The following ZNF232 variants were observed in gnomAD, a reference collection of about 807,000 sequenced individuals.
ZNF232 encodes the protein zinc finger protein 232.
In ZNF232, 25 loss-of-function variants were observed where a neutral mutation model predicts 25.2. The observed-to-expected ratio is 0.99, with a 90% CI of 0.72 to 1.39. The LOEUF is 1.39. Among genes scored for constraint, ZNF232 ranks in the 40% most tolerant of loss-of-function variants. The probability of loss-of-function intolerance (pLI) is 0.00; values close to 1 mark genes in which losing one functional copy is unlikely to be tolerated. For missense variants in ZNF232, 519 were observed against 520.9 expected (o/e 1.00, Z 0.04); for synonymous variants, 193 against 182.9 (o/e 1.06, Z -0.45).
chr17:5,117,411 G>C (rs2143683310), intron 1 of ZNF232, among the ~76,000 whole-genome samples: 1 of 151,934 alleles, frequency 6.6e-6, no homozygotes, highest in Middle Eastern at 3.4e-3. Flanking sequence ...AGCTACTCAG[G>C]AGGCTGAGGC....
At chr17:5,118,061 T>TC (rs1219568625) in intron 1 of ZNF232, 1 of 143,316 alleles carries the variant, frequency 7.0e-6, no homozygotes, top group African/African-American at 2.8e-5. Context: ...AGAGTGGGAC[T>TC]CCGTCTCAAA....
At chr17:5,109,597 G>T (rs762975955) in exon 2 of ZNF232, 6 of 1,614,204 alleles carry the variant, frequency 3.7e-6, no homozygotes, top group Non-Finnish European at 5.1e-6. Flanking sequence ...ACTCGTAGTT[G>T]GCTCAAGGCC....
exon 4 of ZNF232, chr17:5,106,127 T>G (rs927733250): frequency 7.4e-6 from 12 of 1,614,090 alleles, no homozygotes; most frequent in Non-Finnish European, 1.0e-5. Flanking sequence ...GACCGAGGTT[T>G]GAGCTCTGTT....
chr17:5,111,630 ACGCAACGCAGGTAG>A, intron 1 of ZNF232, 156 bp downstream of exon 1: 1 of 942,042 alleles, frequency 1.1e-6, no homozygotes, highest in Non-Finnish European at 1.6e-6. Flanking sequence ...ACGTGACGCG[ACGCAACGCAGGTAG>A]CGCAGCGCGG....
upstream of ZNF232, among the ~76,000 whole-genome samples, chr17:5,112,703 C>T (rs564147759): frequency 5.9e-4 from 90 of 152,028 alleles, no homozygotes; most frequent in African/African-American, 2.1e-3. Context: ...CCGCCCGTCT[C>T]GGCCTCCCAA....
chr17:5,121,630 G>A, intron 1 of ZNF232: 1 of 160,974 alleles, frequency 6.2e-6, no homozygotes. Flanking sequence ...CAGCAGCTGT[G>A]CGAGCTCTGC....
intron 1 of ZNF232, chr17:5,111,016 A>G (rs1453710466): frequency 1.3e-5 from 2 of 152,246 alleles, no homozygotes; most frequent in Non-Finnish European, 1.5e-5. Flanking sequence ...GAGGAAGTCA[A>G]TTATGAATTT....
At chr17:5,112,145 G>T, upstream of ZNF232, 1 of 452,692 alleles carries the variant, frequency 2.2e-6, no homozygotes, top group Non-Finnish European at 3.8e-6. Flanking sequence ...ATCAAGTTTG[G>T]GGGGTCTCTT....
At chr17:5,111,814 A>G (rs764369947) in exon 1 of ZNF232, 1 of 1,613,814 alleles carries the variant, frequency 6.2e-7, no homozygotes, top group East Asian at 2.2e-5. Flanking sequence ...CAGGACCAGG[A>G]GGTTCCATCG....
intron 3 of ZNF232, 124 bp downstream of exon 3, chr17:5,108,802 G>T: frequency 6.9e-7 from 1 of 1,459,068 alleles, no homozygotes; most frequent in Non-Finnish European, 9.3e-7. Flanking sequence ...GATAAGAATA[G>T]TAAGGCTGTG....
At chr17:5,117,542 A>G (rs562871573) in intron 1 of ZNF232, among the ~76,000 whole-genome samples, 19 of 152,032 alleles carry the variant, frequency 1.2e-4, no homozygotes, top group Non-Finnish European at 1.9e-4. Flanking sequence ...AGCTCAATAA[A>G]TATTTACAGC....
chr17:5,109,047 T>C (rs761967959), exon 3 of ZNF232: 1 of 1,614,050 alleles, frequency 6.2e-7, no homozygotes, highest in Non-Finnish European at 8.5e-7. Context: ...GTGCAGGGCC[T>C]GGGACCTGGA....
intron 1 of ZNF232, among the ~76,000 whole-genome samples, chr17:5,121,213 A>C (rs1045664348): frequency 2.6e-5 from 4 of 152,166 alleles, no homozygotes; most frequent in Non-Finnish European, 5.9e-5. Context: ...GAGCAGGCTG[A>C]ATTCCTCCAA....
intron 1 of ZNF232, chr17:5,120,546 C>T: frequency 2.8e-6 from 1 of 351,422 alleles, no homozygotes; most frequent in Non-Finnish European, 5.5e-6. Context: ...CTGCACCTGT[C>T]TCTCCGAGGG....
intron 1 of ZNF232, among the ~76,000 whole-genome samples, chr17:5,120,112 A>C (rs1204671670): frequency 6.6e-6 from 1 of 151,786 alleles, no homozygotes; most frequent in Non-Finnish European, 1.5e-5. Flanking sequence ...GGGGAAGCCT[A>C]CTCCCCAAGA....
chr17:5,109,375 AC>A lies in ZNF232; in HGVS notation c.498+18del. The A allele has an allele frequency of 6.2e-7, 1 of 1,613,900 alleles. No homozygotes were observed. The highest frequency in any genetic ancestry group is 1.1e-5 in the South Asian group (1 of 91,072). ...GTCATCAATCTGGCTCCCATAACAGACCAAATCCCCCTTCCCACCTGCGGCT... is the reference window on the plus strand; with the variant it reads ...GTCATCAATCTGGCTCCCATAACAGACAAATCCCCCTTCCCACCTGCGGCT... On this transcript the variant is annotated intron_variant, in intron 2 of 3. Coordinates refer to ENST00000575898, the Ensembl canonical transcript of ZNF232.
At chr17:5,116,288 C>A (rs958546622), upstream of ZNF232, 1 of 152,966 alleles carries the variant, frequency 6.5e-6, no homozygotes, top group Non-Finnish European at 1.4e-5. Context: ...CGGGCGGCCC[C>A]CCTCACCACT....
At chr17:5,114,619 C>G (rs1597938008), upstream of ZNF232, 2 of 152,386 alleles carry the variant, frequency 1.3e-5, no homozygotes, top group African/African-American at 4.8e-5. Flanking sequence ...CAGCTGGGCT[C>G]AGGAGTTCGA....
chr17:5,115,185 G>C (rs1054202673), upstream of ZNF232, among the ~76,000 whole-genome samples: 8 of 151,966 alleles, frequency 5.3e-5, no homozygotes, highest in African/African-American at 1.7e-4. Flanking sequence ...CATCTTTTGG[G>C]GGGTGGGGCG....
Sources: allele counts gnomAD v4.1 joint callset (sites outside exome capture counted in the v4.1 genomes callset), GRCh38; gene constraint gnomAD v4.1.1; transcripts MANE v1.5; gene names NCBI Gene and HGNC (gene_info 2026-07-23, HGNC 2026-07-21).